Variants in PDSS2 observed in about 807,000 individuals in gnomAD.
PDSS2 encodes the protein decaprenyl diphosphate synthase subunit 2, also known as all trans-polyprenyl-diphosphate synthase PDSS2.
PDSS2 carries 31 observed loss-of-function variants against 44.5 expected under a neutral mutation model. That is an observed-to-expected ratio of 0.70 (90% CI 0.52 to 0.94). The LOEUF is 0.94. Among genes scored for constraint, PDSS2 ranks in the 40% least tolerant of loss-of-function variants. The probability of loss-of-function intolerance (pLI) is 0.00; values close to 1 mark genes in which losing one functional copy is unlikely to be tolerated. For synonymous variants in PDSS2, 157 were observed against 180.3 expected (o/e 0.87, Z 1.03); for missense variants, 452 against 482.2 (o/e 0.94, Z 0.59).
intron 7 of PDSS2, among the ~76,000 whole-genome samples, chr6:107,157,965 C>G (rs1392103439): frequency 3.3e-5 from 5 of 151,896 alleles, no homozygotes; most frequent in African/African-American, 1.2e-4. Flanking sequence ...GCCACTGCGC[C>G]CGACTTAGTG....
At chr6:107,428,966 G>A (rs941629932) in intron 1 of PDSS2, among the ~76,000 whole-genome samples, 4 of 152,150 alleles carry the variant, frequency 2.6e-5, no homozygotes, top group African/African-American at 4.8e-5. Context: ...ACTGAAGCAC[G>A]CCAAATTGTG....
At chr6:107,327,755 T>C (rs1777593752) in intron 2 of PDSS2, among the ~76,000 whole-genome samples, 1 of 152,198 alleles carries the variant, frequency 6.6e-6, no homozygotes, top group Admixed American at 6.5e-5. Context: ...TGGTGCCCGG[T>C]CAACACTTTT....
chr6:107,261,008 G>C (rs17068095), intron 3 of PDSS2, among the ~76,000 whole-genome samples: 1 of 151,798 alleles, frequency 6.6e-6, no homozygotes, highest in Non-Finnish European at 1.5e-5. Flanking sequence ...AAGCCAGAGC[G>C]AGAAAAAAAA....
At chr6:107,172,331 T>C (rs1771608954) in intron 7 of PDSS2, among the ~76,000 whole-genome samples, 1 of 152,208 alleles carries the variant, frequency 6.6e-6, no homozygotes, top group Admixed American at 6.5e-5. Flanking sequence ...GCATGGGTTC[T>C]GAGTAGTCTT....
chr6:107,390,403 A>G (rs1779743184), intron 1 of PDSS2, among the ~76,000 whole-genome samples: 1 of 152,168 alleles, frequency 6.6e-6, no homozygotes, highest in African/African-American at 2.4e-5. Context: ...AAACTAAGGG[A>G]CACTCCACAA....
intron 6 of PDSS2, among the ~76,000 whole-genome samples, chr6:107,197,478 C>CT (rs1361277952): frequency 1.3e-5 from 1 of 77,984 alleles, no homozygotes. Context: ...AGACCCCCAT[C>CT]TCAAAAAAAA....
intron 7 of PDSS2, among the ~76,000 whole-genome samples, chr6:107,170,268 C>T (rs1231197798): frequency 3.9e-5 from 6 of 152,180 alleles, no homozygotes; most frequent in Non-Finnish European, 5.9e-5. Context: ...GCGTGGGATC[C>T]TCTGAGCCAG....
intron 4 of PDSS2, among the ~76,000 whole-genome samples, chr6:107,231,942 A>G (rs1338867353): frequency 1.3e-5 from 2 of 149,224 alleles, no homozygotes; most frequent in Non-Finnish European, 3.0e-5. Context: ...AGCCTGGGCA[A>G]CAAGAGTGAA....
chr6:107,447,272 C>T (rs1781716980), intron 1 of PDSS2, among the ~76,000 whole-genome samples: 1 of 152,052 alleles, frequency 6.6e-6, no homozygotes, highest in African/African-American at 2.4e-5. Context: ...GGAGGCAGAG[C>T]TTGCAGTGAG....
At chr6:107,385,732 T>TC (rs1491242675) in intron 1 of PDSS2, among the ~76,000 whole-genome samples, 20 of 151,910 alleles carry the variant, frequency 1.3e-4, no homozygotes, top group Admixed American at 3.3e-4. Context: ...TCTTTTTTTT[T>TC]CTCTCTCTTT....
At chr6:107,385,626 A>G (rs1779587832) in intron 1 of PDSS2, among the ~76,000 whole-genome samples, 1 of 152,236 alleles carries the variant, frequency 6.6e-6, no homozygotes, top group Non-Finnish European at 1.5e-5. Context: ...TGTACTCAGT[A>G]AGGAAGTTTC....
chr6:107,425,961 GAA>G (rs111535075), intron 1 of PDSS2, among the ~76,000 whole-genome samples: 37 of 114,060 alleles, frequency 3.2e-4, no homozygotes, highest in Middle Eastern at 5.7e-3. Context: ...ACTTCGTCTC[GAA>G]AAAAAAAAAA....
chr6:107,265,138 T>C (rs920757818), intron 3 of PDSS2, among the ~76,000 whole-genome samples: 1 of 152,166 alleles, frequency 6.6e-6, no homozygotes, highest in African/African-American at 2.4e-5. Context: ...CTTGAAGATA[T>C]TTAAAAATCT....
At chr6:107,318,940 A>G (rs1006362726) in intron 2 of PDSS2, among the ~76,000 whole-genome samples, 7 of 152,110 alleles carry the variant, frequency 4.6e-5, no homozygotes, top group African/African-American at 1.7e-4. Context: ...GTGAGCCGAG[A>G]TTGTGCCATT....
chr6:107,156,718 T>C (rs782245855), intron 7 of PDSS2, among the ~76,000 whole-genome samples: 1 of 152,170 alleles, frequency 6.6e-6, no homozygotes, highest in Non-Finnish European at 1.5e-5. Context: ...GCTTTCCCTC[T>C]TGCACAGCTA....
At chr6:107,194,164 ACAAT>A (rs1460234678) in intron 6 of PDSS2, among the ~76,000 whole-genome samples, 1 of 152,200 alleles carries the variant, frequency 6.6e-6, no homozygotes, top group Non-Finnish European at 1.5e-5. Flanking sequence ...CCCCATGACC[ACAAT>A]CAAAATTAAT....
intron 2 of PDSS2, among the ~76,000 whole-genome samples, chr6:107,307,398 G>A (rs565145264): frequency 2.2e-4 from 33 of 152,230 alleles, no homozygotes; most frequent in Admixed American, 7.9e-4. Context: ...TCAAATCAGC[G>A]TACTTGATTC....
intron 1 of PDSS2, among the ~76,000 whole-genome samples, chr6:107,448,092 G>A (rs983792850): frequency 6.6e-6 from 1 of 152,124 alleles, no homozygotes; most frequent in Admixed American, 6.6e-5. Context: ...ACAGCAGGGG[G>A]GGCTGGACCT....
intron 7 of PDSS2, among the ~76,000 whole-genome samples, chr6:107,166,908 T>C (rs1771371377): frequency 6.6e-6 from 1 of 152,244 alleles, no homozygotes; most frequent in African/African-American, 2.4e-5. Flanking sequence ...TTTGCATCAA[T>C]GTTCATCAGG....
Sources: gnomAD v4.1 joint callset for allele counts (sites outside exome capture counted in the v4.1 genomes callset) on GRCh38, gnomAD v4.1.1 for gene constraint, MANE v1.5 for transcripts, NCBI Gene and HGNC (gene_info 2026-07-23, HGNC 2026-07-21) for gene names.